Variants in ZNF362 observed in about 807,000 individuals in gnomAD.
ZNF362 encodes zinc finger protein 362.
A neutral mutation model predicts 42.9 loss-of-function variants in ZNF362; 11 were observed. The ratio of observed to expected loss-of-function variants is 0.26; its 90% CI spans 0.16 to 0.42. The LOEUF (loss-of-function observed/expected upper bound fraction) is 0.42, where lower values mean the gene tolerates loss of function less well. Ranked by LOEUF, ZNF362 falls within the 20% of genes least tolerant of loss-of-function variation. ZNF362 has a pLI of 1.00. For missense variants in ZNF362, 362 were observed against 576.2 expected, an observed-to-expected ratio of 0.63 and a Z score of 3.81; for synonymous variants, 255 against 257.3, an observed-to-expected ratio of 0.99 and a Z score of 0.09.
At chr1:33,129,039 A>T in the ZNF362 span, among the ~76,000 whole-genome samples, 1 of 152,114 alleles carries the variant, frequency 6.6e-6, no homozygotes, top group African/African-American at 2.4e-5. The surrounding 1 kb of genome is among the most constrained non-coding windows in gnomAD (Gnocchi z 4.1). Flanking sequence ...CCAGGTAGAA[A>T]AGTCTGGGGA....
At chr1:33,158,653 C>T in the ZNF362 span, among the ~76,000 whole-genome samples, 2 of 152,192 alleles carry the variant, frequency 1.3e-5, no homozygotes, top group African/African-American at 4.8e-5. Flanking sequence ...TGCTCGGTCA[C>T]GGTCAATGCC....
At chr1:33,259,187 C>T (rs1189996676) in intron 1 of ZNF362, among the ~76,000 whole-genome samples, 1 of 152,206 alleles carries the variant, frequency 6.6e-6, no homozygotes, top group Non-Finnish European at 1.5e-5. Context: ...TCCTCTGTGA[C>T]ACTCAGAGGG....
the ZNF362 span, among the ~76,000 whole-genome samples, chr1:33,198,897 A>T: frequency 1.3e-5 from 2 of 152,238 alleles, no homozygotes; most frequent in Non-Finnish European, 2.9e-5. Flanking sequence ...AGTGAAAAAT[A>T]TACTGGATGA....
chr1:33,168,094 T>C, the ZNF362 span, among the ~76,000 whole-genome samples: 1 of 152,008 alleles, frequency 6.6e-6, no homozygotes, highest in African/African-American at 2.4e-5. Context: ...TTAGGTAGGG[T>C]GGCCAGGGAA....
chr1:33,246,358 C>T, the ZNF362 span, among the ~76,000 whole-genome samples: 2 of 152,122 alleles, frequency 1.3e-5, no homozygotes, highest in Admixed American at 6.5e-5. Context: ...CGAGGAAAGA[C>T]CAGGAGAAGG....
In ZNF362 at chr1:33,266,884, C is replaced by T. The variant is rs531033648; in HGVS notation, c.-88-3603C>T. Among the ~76,000 whole-genome samples, 5 of 152,246 alleles carry T rather than the reference C, an allele frequency of 3.3e-5. No individual in the cohort carries two copies. The highest frequency in any genetic ancestry group is 3.9e-4 in the East Asian group (2 of 5,178). On this transcript the variant is annotated intron_variant, in intron 1 of 8. Transcript: ENST00000539719. This position sits in a 1 kb window ranked among gnomAD's most constrained non-coding sequence, Gnocchi z 4.3. Reference sequence around the variant, plus strand: ...CCAGGGGACCTTCTTGGCGAAAACCCGAGCATCAGACTGTGGAGTTTGAAC... The same window carrying T: ...CCAGGGGACCTTCTTGGCGAAAACCTGAGCATCAGACTGTGGAGTTTGAAC...
At chr1:33,256,253 C>A (rs1411935365), upstream of ZNF362, among the ~76,000 whole-genome samples, 1 of 143,258 alleles carries the variant, frequency 7.0e-6, no homozygotes, top group South Asian at 2.1e-4. Flanking sequence ...CGCGGCCCGC[C>A]CCCGCCCCCC....
In ZNF362 at chr1:33,276,560, G is replaced by C; in HGVS notation, c.315G>C (p.Ala105=). The C allele has an allele frequency of 7.1e-7, 1 of 1,417,246 alleles. No individual in the cohort carries two copies. The highest frequency in any genetic ancestry group is 9.2e-7 in the Non-Finnish European group (1 of 1,092,304). The allele number at this position is 1,417,246 out of a possible 1,614,324, so 87.8% of individuals were successfully genotyped here. A position where few individuals can be genotyped will look rare whatever the true frequency, so the allele number is the denominator to read the frequency against. The part of the protein sequence containing the change: ...HPQAVPQPDV[A]LHARPATSTV... ...AGGCGGTGCCGCAGCCCGACGTGGC[G>C]CTGCACGCACGGCCGGCCACCAGCA... Residue 105 remains alanine (A), a synonymous_variant, in exon 4 of 9, where the codon GCG becomes GCC. Coordinates refer to ENST00000539719, the MANE Select transcript of ZNF362 (RefSeq NM_152493.3).
chr1:33,272,003 A>G (rs1306791646), intron 2 of ZNF362, among the ~76,000 whole-genome samples: 1 of 152,078 alleles, frequency 6.6e-6, no homozygotes, highest in African/African-American at 2.4e-5. Flanking sequence ...TTTAGATTCT[A>G]AAGTGGTTGG....
the ZNF362 span, chr1:33,147,383 T>G: frequency 6.2e-7 from 1 of 1,614,174 alleles, no homozygotes; most frequent in Non-Finnish European, 8.5e-7. This position sits in a 1 kb window ranked among gnomAD's most constrained non-coding sequence, Gnocchi z 8.1. Context: ...TCCCGGACGT[T>G]AAGCCGCGTC....
the ZNF362 span, among the ~76,000 whole-genome samples, chr1:33,203,703 G>A: frequency 2.0e-5 from 3 of 152,030 alleles, no homozygotes; most frequent in East Asian, 1.9e-4. Flanking sequence ...GTTTTGATTC[G>A]CATTTCCCTG....
At chr1:33,159,770 C>T in the ZNF362 span, 1 of 1,613,752 alleles carries the variant, frequency 6.2e-7, no homozygotes, top group East Asian at 2.2e-5. The surrounding 1 kb of genome is among the most constrained non-coding windows in gnomAD (Gnocchi z 4.2). Flanking sequence ...TGGGCTCCCT[C>T]CTGGACCTTG....
At chr1:33,245,960 G>T in the ZNF362 span, among the ~76,000 whole-genome samples, 1 of 152,076 alleles carries the variant, frequency 6.6e-6, no homozygotes, top group Non-Finnish European at 1.5e-5. Context: ...AGAGAGGGAG[G>T]GGGAGAGAGA....
At chr1:33,203,957 G>A in the ZNF362 span, among the ~76,000 whole-genome samples, 25,650 of 152,108 alleles carry the variant, frequency 0.17, 2,549 homozygotes, top group South Asian at 0.27. Context: ...CCCCTGCTGT[G>A]AAGAAGCTCT....
At chr1:33,151,834 T>G in the ZNF362 span, among the ~76,000 whole-genome samples, 2 of 152,244 alleles carry the variant, frequency 1.3e-5, no homozygotes, top group Non-Finnish European at 2.9e-5. Context: ...AATCACATTC[T>G]GCCCAAGCAG....
the ZNF362 span, among the ~76,000 whole-genome samples, chr1:33,160,473 C>T: frequency 4.6e-5 from 7 of 152,030 alleles, no homozygotes; most frequent in Non-Finnish European, 1.0e-4. Flanking sequence ...GGCACGATCT[C>T]GGATCATTGC....
chr1:33,181,203 G>A, the ZNF362 span: 1 of 1,584,622 alleles, frequency 6.3e-7, no homozygotes, highest in African/African-American at 1.3e-5. This position sits in a 1 kb window ranked among gnomAD's most constrained non-coding sequence, Gnocchi z 6.5. Flanking sequence ...CAGCGGGAAG[G>A]AGCTGTAGCG....
Position 33,281,435 on chromosome 1 carries a change from T to C in ZNF362, c.684-152T>C, listed in dbSNP as rs558352654. On this transcript the variant is annotated intron_variant, in intron 5 of 8. Transcript: ENST00000539719. The surrounding 1 kb of genome is among the most constrained non-coding windows in gnomAD (Gnocchi z 4.8). Reference sequence around the variant, plus strand: ...TTTAAGGGTGCCCAGGCTGGGAGACTGTCCCCTGTCTTTCCCAGGTGGTCC... The same window carrying C: ...TTTAAGGGTGCCCAGGCTGGGAGACCGTCCCCTGTCTTTCCCAGGTGGTCC... 5.7e-6 allele frequency: 4 copies of C among 704,252 alleles called. No individual in the cohort carries two copies. Among genetic ancestry groups the C allele is most frequent in the South Asian group, 5.4e-5 (3 of 55,394 alleles). The allele number at this position is 704,252 out of a possible 1,614,324, so 43.6% of individuals were successfully genotyped here.
At chr1:33,276,680 C>A in intron 4 of ZNF362, 86 bp downstream of exon 4, 1 of 1,281,802 alleles carries the variant, frequency 7.8e-7, no homozygotes, top group East Asian at 3.5e-5. Flanking sequence ...GAGGATGGGA[C>A]CCGGCTAGGT....
Sources: allele counts gnomAD v4.1 joint callset (sites outside exome capture counted in the v4.1 genomes callset), GRCh38; gene constraint gnomAD v4.1.1; non-coding constraint Gnocchi (gnomAD v3.1); transcripts MANE v1.5; gene names NCBI Gene and HGNC (gene_info 2026-07-23, HGNC 2026-07-21).